PPM1D: variants seen among roughly 807,000 people sequenced by gnomAD.
The protein encoded by PPM1D is protein phosphatase, Mg2+/Mn2+ dependent 1D, also known as protein phosphatase 1D.
PPM1D carries 52 observed loss-of-function variants against 58.3 expected under a neutral mutation model. The observed-to-expected ratio is 0.89, with a 90% CI of 0.71 to 1.12. The LOEUF (loss-of-function observed/expected upper bound fraction) is 1.12, where lower values mean the gene tolerates loss of function less well. Ranked by LOEUF, PPM1D falls within the 50% of genes most tolerant of loss-of-function variation. The pLI is 0.00. For missense variants in PPM1D, 564 were observed against 777.2 expected (o/e 0.73, Z 3.26); for synonymous variants, 278 against 285.1 (o/e 0.98, Z 0.25).
chr17:60,665,684 G>A lies in PPM1D; in HGVS notation c.*2132G>A, dbSNP rs2031605525. On this transcript the variant is annotated 3_prime_UTR_variant, in exon 6 of 6. Transcript: ENST00000305921. Reference sequence around the variant, plus strand: ...AACAAATATTATCTCCAGTTTCTGAGCCTCAGAAATCTGAGAGTGGTTTAG... The same window carrying A: ...AACAAATATTATCTCCAGTTTCTGAACCTCAGAAATCTGAGAGTGGTTTAG... The A allele has an allele frequency of 6.6e-6, 1 of 152,194 alleles. No homozygotes were observed. The highest frequency in any genetic ancestry group is 6.5e-5 in the Admixed American group (1 of 15,280). 9.4% of individuals were successfully genotyped at this position (152,194 alleles called of 1,614,324 possible).
At chr17:60,642,063 C>G (rs1023901324) in intron 3 of PPM1D, among the ~76,000 whole-genome samples, 1 of 152,158 alleles carries the variant, frequency 6.6e-6, no homozygotes, top group Non-Finnish European at 1.5e-5. Flanking sequence ...AAACACTAGA[C>G]CAGTAATAAA....
At chr17:60,602,262 G>A (rs1317374692) in intron 1 of PPM1D, among the ~76,000 whole-genome samples, 1 of 152,168 alleles carries the variant, frequency 6.6e-6, no homozygotes, top group Non-Finnish European at 1.5e-5. Context: ...TGACTGCAGG[G>A]CAACGAGAAG....
chr17:60,648,750 C>A lies in PPM1D; in HGVS notation c.1017+668C>A, dbSNP rs555177417. Among the ~76,000 whole-genome samples, 13 of 150,426 alleles carry A rather than the reference C, an allele frequency of 8.6e-5. No homozygotes were observed. The South Asian group carries it at 2.7e-3, about 32-fold the overall frequency. ...GTTCACAAAGTTGTACAACCATCAC[C>A]ACTACTACTTTTTTTTTTTTTTTTT... On this transcript the variant is annotated intron_variant, in intron 4 of 5. Transcript: ENST00000305921.
At chr17:60,659,963 G>A (rs1385013748) in intron 5 of PPM1D, among the ~76,000 whole-genome samples, 2 of 152,216 alleles carry the variant, frequency 1.3e-5, no homozygotes, top group Middle Eastern at 3.2e-3. Flanking sequence ...TGTAATCCCA[G>A]CACTTTGGGA....
intron 1 of PPM1D, among the ~76,000 whole-genome samples, chr17:60,606,982 G>A (rs2030342286): frequency 6.6e-6 from 1 of 151,186 alleles, no homozygotes; most frequent in Non-Finnish European, 1.5e-5. Context: ...CATGCGCCCA[G>A]CTAATTTTTT....
Position 60,647,971 on chromosome 17 carries a change from C to G in PPM1D, c.906C>G (p.Asp302Glu), listed in dbSNP as rs1448018728. The G allele has an allele frequency of 1.2e-6, 2 of 1,613,688 alleles. No homozygotes were observed. Among genetic ancestry groups the G allele is most frequent in the Admixed American group, 3.3e-5 (2 of 59,986 alleles). Residue 302 changes from aspartate (D) to glutamate (E), a missense_variant, in exon 4 of 6, where the codon GAC becomes GAG. Physicochemically the swap from Asp to Glu is conservative, Grantham distance 45. Around this residue, in one of 7 missense-constraint regions of PPM1D, gnomAD observed 95 missense variants for 232.6 expected, o/e 0.41. Transcript: ENST00000305921. ...PEPDTSVHTL[D>E]PQKHKYIILG... ...CAGACACAAGTGTCCACACTCTTGA[C>G]CCTCAGAAGCACAAGTATATTATAT...
intron 1 of PPM1D, among the ~76,000 whole-genome samples, chr17:60,619,042 TCTC>T (rs1429353606): frequency 6.6e-6 from 1 of 152,132 alleles, no homozygotes; most frequent in African/African-American, 2.4e-5. Context: ...TCTCCCCACT[TCTC>T]CTAACCCCTA....
intron 1 of PPM1D, among the ~76,000 whole-genome samples, chr17:60,618,987 C>T (rs1025455784): frequency 6.6e-6 from 1 of 152,172 alleles, no homozygotes; most frequent in African/African-American, 2.4e-5. Context: ...ACATTAGATA[C>T]TAAGAACTTA....
chr17:60,627,172 C>T (rs1367775451), intron 2 of PPM1D, among the ~76,000 whole-genome samples: 2 of 152,116 alleles, frequency 1.3e-5, no homozygotes, highest in Non-Finnish European at 2.9e-5. Flanking sequence ...GGGTTTTATG[C>T]CACACACACA....
intron 3 of PPM1D, among the ~76,000 whole-genome samples, 154 bp from the exon 4 acceptor site, chr17:60,647,738 C>G (rs200234800): frequency 6.6e-6 from 1 of 152,164 alleles, no homozygotes; most frequent in East Asian, 1.9e-4. Context: ...TCTTAGTTTG[C>G]TAGGAAATCT....
intron 2 of PPM1D, among the ~76,000 whole-genome samples, chr17:60,630,039 C>CA (rs200694728): frequency 0.011 from 1,637 of 148,988 alleles, 26 homozygotes; most frequent in African/African-American, 0.037. Context: ...AAAACTGTCT[C>CA]AAAAAAAATA....
intron 4 of PPM1D, among the ~76,000 whole-genome samples, chr17:60,648,668 C>T (rs1039041812): frequency 1.5e-4 from 23 of 152,146 alleles, no homozygotes; most frequent in African/African-American, 5.3e-4. Flanking sequence ...GCGTGAGCCA[C>T]TGCGCCCGGC....
At chr17:60,640,852 C>T (rs781665632) in intron 3 of PPM1D, among the ~76,000 whole-genome samples, 3 of 151,614 alleles carry the variant, frequency 2.0e-5, no homozygotes, top group Admixed American at 1.3e-4. Flanking sequence ...TTAGAAATTT[C>T]TTTTCCTAAG....
intron 3 of PPM1D, among the ~76,000 whole-genome samples, chr17:60,646,850 G>C (rs932396384): frequency 6.6e-6 from 1 of 152,178 alleles, no homozygotes; most frequent in African/African-American, 2.4e-5. Flanking sequence ...CTCAGTGAAA[G>C]GGAGAACTGT....
Position 60,639,911 on chromosome 17 carries a change from G to A in PPM1D, c.826+5934G>A, listed in dbSNP as rs138299274. Among the ~76,000 whole-genome samples, 669 of 152,342 alleles carry A rather than the reference G, an allele frequency of 4.4e-3. 5 individuals are homozygous for A. Among genetic ancestry groups the A allele is most frequent in the African/African-American group, 0.015 (637 of 41,590 alleles). On this transcript the variant is annotated intron_variant, in intron 3 of 5. Coordinates refer to ENST00000305921, the MANE Select transcript of PPM1D (RefSeq NM_003620.4). ...AACATTTTCGAAAAGTTCGGTGATA[G>A]GAAGAAGCATAGTGATATAGGAACT...
At chr17:60,645,808 A>G (rs985624146) in intron 3 of PPM1D, among the ~76,000 whole-genome samples, 1 of 151,316 alleles carries the variant, frequency 6.6e-6, no homozygotes, top group African/African-American at 2.4e-5. Context: ...ACCCTTTTAT[A>G]TCTTTTGGTT....
At position 60,655,720 on chromosome 17, in the gene PPM1D, T is replaced by A. The variant is rs201964506; in HGVS notation, c.1018-879T>A. On this transcript the variant is annotated intron_variant, in intron 4 of 5. Coordinates refer to ENST00000305921, the MANE Select transcript of PPM1D (RefSeq NM_003620.4). Reference sequence around the variant, plus strand: ...TTTTTCTTTCTTTCTTTTTTTTTTTTAAATGGAGTCTTGCTCTGTTGCCTA... The same window carrying A: ...TTTTTCTTTCTTTCTTTTTTTTTTTAAAATGGAGTCTTGCTCTGTTGCCTA... 8.7e-3 allele frequency among the ~76,000 whole-genome samples: 1,272 copies of A among 145,730 alleles called. 33 individuals carry two copies. Among genetic ancestry groups the A allele is most frequent in the Admixed American group, 0.049 (728 of 14,884 alleles).
intron 3 of PPM1D, among the ~76,000 whole-genome samples, chr17:60,637,172 G>T (rs909057503): frequency 4.0e-5 from 6 of 151,864 alleles, no homozygotes; most frequent in Non-Finnish European, 7.4e-5. Flanking sequence ...AGTGTCTGGG[G>T]CCACAGAATG....
chr17:60,652,514 T>G (rs1301978375), intron 4 of PPM1D, among the ~76,000 whole-genome samples: 5 of 151,682 alleles, frequency 3.3e-5, no homozygotes, highest in Non-Finnish European at 2.9e-5. Context: ...ATATGTATAG[T>G]AGTGGAATTG....
Sources: gnomAD v4.1 joint callset for allele counts (sites outside exome capture counted in the v4.1 genomes callset) on GRCh38, gnomAD v4.1.1 for gene constraint, gnomAD v4.1.1 regional missense constraint, MANE v1.5 for transcripts, NCBI Gene and HGNC (gene_info 2026-07-23, HGNC 2026-07-21) for gene names.